Variants in GUCY1A2 observed in about 807,000 individuals in gnomAD.
GUCY1A2 encodes the protein guanylate cyclase 1 soluble subunit alpha 2.
GUCY1A2 carries 27 observed loss-of-function variants against 63.5 expected under a neutral mutation model. That is an observed-to-expected ratio of 0.43 (90% CI 0.31 to 0.59). The LOEUF is 0.59. Among genes scored for constraint, GUCY1A2 ranks in the 20% least tolerant of loss-of-function variants. GUCY1A2 has a pLI of 0.11. For synonymous variants in GUCY1A2, 364 were observed against 343.5 expected (o/e 1.06, Z -0.66); for missense variants, 768 against 913.3 (o/e 0.84, Z 2.05).
intron 3 of GUCY1A2, among the ~76,000 whole-genome samples, chr11:106,969,638 C>G (rs1861169622): frequency 6.6e-6 from 1 of 151,992 alleles, no homozygotes; most frequent in Non-Finnish European, 1.5e-5. Context: ...GAGATGGCAA[C>G]AAAATAAGCT....
intron 6 of GUCY1A2, among the ~76,000 whole-genome samples, chr11:106,730,721 A>G (rs555046651): frequency 6.6e-6 from 1 of 152,264 alleles, no homozygotes; most frequent in South Asian, 2.1e-4. Flanking sequence ...GAACTAATTT[A>G]CATTCCCATC....
intron 3 of GUCY1A2, among the ~76,000 whole-genome samples, chr11:106,943,074 GAA>G (rs1057187273): frequency 2.0e-5 from 3 of 151,944 alleles, no homozygotes; most frequent in South Asian, 2.1e-4. Context: ...GATCAGAAAA[GAA>G]AAAAGTTATT....
chr11:106,986,076 A>G lies in GUCY1A2; in HGVS notation c.359T>C (p.Val120Ala). The G allele has an allele frequency of 6.9e-7, 1 of 1,439,430 alleles. No individual in the cohort carries two copies. The highest frequency in any genetic ancestry group is 9.8e-7 in the Non-Finnish European group (1 of 1,020,798). The allele number at this position is 1,439,430 out of a possible 1,614,324, so 89.2% of individuals were successfully genotyped here. Residue 120 changes from valine to alanine, a missense_variant, in exon 2 of 8, where the codon GTT (valine) becomes GCT (alanine). Around this residue, in one of 3 missense-constraint regions of GUCY1A2, gnomAD observed 496 missense variants for 486.9 expected, o/e 1.02. Transcript: ENST00000526355. Reference sequence around the variant, plus strand: ...GAAATCAATTTTTACTTACCCAATAACTTGATGTTCATAATACTGCAGTGT... The same window carrying G: ...GAAATCAATTTTTACTTACCCAATAGCTTGATGTTCATAATACTGCAGTGT... ...KRTLQYYEHQ[V>A]IGYRDAEKNF...
intron 6 of GUCY1A2, among the ~76,000 whole-genome samples, chr11:106,728,249 G>C (rs769537463): frequency 6.6e-6 from 1 of 151,868 alleles, no homozygotes; most frequent in African/African-American, 2.4e-5. Context: ...TTCAACACTC[G>C]TGTCATACAA....
In GUCY1A2 at chr11:106,894,970, T is replaced by C. The variant is rs114687974; in HGVS notation, c.1206+44490A>G. On this transcript the variant is annotated intron_variant, in intron 4 of 7. Coordinates refer to ENST00000526355, the MANE Select transcript of GUCY1A2 (RefSeq NM_000855.3). The stretch of plus-strand genomic sequence containing the variant: ...AAAAGTCAATGAAAACAAAACGTGG[T>C]TCTTTGAAAAGGTTAATAAAACTAA... Among the ~76,000 whole-genome samples, 427 of 152,192 alleles carry C rather than the reference T, an allele frequency of 2.8e-3. 1 individual carries two copies. Among genetic ancestry groups the C allele is most frequent in the African/African-American group, 9.7e-3 (402 of 41,546 alleles).
At chr11:106,863,278 G>T (rs1335545573) in intron 4 of GUCY1A2, among the ~76,000 whole-genome samples, 1 of 151,972 alleles carries the variant, frequency 6.6e-6, no homozygotes, top group Non-Finnish European at 1.5e-5. Context: ...TTCGGTCTTA[G>T]ATTTAAGTCT....
chr11:106,841,917 G>A (rs1251321118), intron 4 of GUCY1A2, among the ~76,000 whole-genome samples: 1 of 151,534 alleles, frequency 6.6e-6, no homozygotes, highest in African/African-American at 2.4e-5. Context: ...TAGATATTCT[G>A]AATTTCCTCT....
chr11:106,719,458 A>T (rs74510982), intron 6 of GUCY1A2, among the ~76,000 whole-genome samples: 5,592 of 152,250 alleles, frequency 0.037, 124 homozygotes, highest in South Asian at 0.07. Context: ...ATTCATCTAA[A>T]TTACTCAGAG....
intron 4 of GUCY1A2, among the ~76,000 whole-genome samples, chr11:106,819,365 G>T (rs1272788923): frequency 1.3e-5 from 2 of 152,120 alleles, no homozygotes; most frequent in African/African-American, 4.8e-5. Context: ...CTATCAAACA[G>T]CATTGCAAGC....
intron 1 of GUCY1A2, among the ~76,000 whole-genome samples, chr11:107,007,534 C>T (rs1348341417): frequency 6.6e-6 from 1 of 152,154 alleles, no homozygotes; most frequent in Non-Finnish European, 1.5e-5. Flanking sequence ...ATAAACAATA[C>T]TATCATTGCT....
intron 6 of GUCY1A2, among the ~76,000 whole-genome samples, chr11:106,774,683 T>C (rs1333867893): frequency 1.3e-5 from 2 of 152,110 alleles, no homozygotes; most frequent in South Asian, 2.1e-4. Flanking sequence ...CTTTCCACTC[T>C]CTCCGCCCTG....
intron 4 of GUCY1A2, among the ~76,000 whole-genome samples, chr11:106,903,211 T>C (rs1045494544): frequency 6.7e-6 from 1 of 148,706 alleles, no homozygotes; most frequent in African/African-American, 2.5e-5. Flanking sequence ...TCTGAAATGA[T>C]AAAAAAAAAA....
chr11:106,920,038 C>T (rs1229123513), intron 4 of GUCY1A2, among the ~76,000 whole-genome samples: 6 of 152,074 alleles, frequency 3.9e-5, no homozygotes, highest in African/African-American at 1.4e-4. Context: ...GATAAACTAG[C>T]TAATACCTAA....
chr11:106,831,797 G>A (rs776805142), intron 4 of GUCY1A2, among the ~76,000 whole-genome samples: 3 of 152,122 alleles, frequency 2.0e-5, no homozygotes, highest in Non-Finnish European at 2.9e-5. Flanking sequence ...GGGATTTCAC[G>A]ATTGTTTGTT....
Position 107,017,885 on chromosome 11 carries a change from G to GGCGGCA in GUCY1A2, c.165_170dup (p.Ala57_Ala58dup), listed in dbSNP as rs1555062859. On this transcript the variant is annotated inframe_insertion, in exon 1 of 8. Transcript: ENST00000526355. ...AAGCAGCCGGGGTCGGGGCCGGGGC[G>GGCGGCA]GCGGCAGCGGCAGCTGCGGCCGGGC... The GGCGGCA allele has an allele frequency of 1.0e-5, 13 of 1,244,632 alleles. No individual in the cohort carries two copies. The highest frequency in any genetic ancestry group is 1.3e-5 in the Non-Finnish European group (13 of 991,324). The allele number at this position is 1,244,632 out of a possible 1,614,324, so 77.1% of individuals were successfully genotyped here.
At chr11:106,750,550 G>C (rs1314354912) in intron 6 of GUCY1A2, among the ~76,000 whole-genome samples, 1 of 151,998 alleles carries the variant, frequency 6.6e-6, no homozygotes, top group African/African-American at 2.4e-5. Context: ...ATGCAGTAAA[G>C]TCCTTGCTGC....
intron 7 of GUCY1A2, 101 bp from the exon 8 acceptor site, chr11:106,687,857 A>G (rs573145582): frequency 5.7e-5 from 42 of 743,176 alleles, no homozygotes; most frequent in Non-Finnish European, 1.0e-4. Flanking sequence ...CTGACTGTTC[A>G]TGGTAATACC....
chr11:106,927,245 C>T (rs1591330644), intron 4 of GUCY1A2, among the ~76,000 whole-genome samples: 1 of 151,342 alleles, frequency 6.6e-6, no homozygotes, highest in African/African-American at 2.4e-5. Context: ...TGGTGGCGGG[C>T]GCCTGTAGTC....
intron 4 of GUCY1A2, among the ~76,000 whole-genome samples, chr11:106,822,188 A>G (rs892036929): frequency 6.6e-6 from 1 of 152,136 alleles, no homozygotes; most frequent in African/African-American, 2.4e-5. Context: ...TGCTAAACTT[A>G]GTTTTATTTA....
Sources: allele counts gnomAD v4.1 joint callset (sites outside exome capture counted in the v4.1 genomes callset), GRCh38; gene constraint gnomAD v4.1.1; regional missense constraint gnomAD v4.1.1; transcripts MANE v1.5; gene names NCBI Gene and HGNC (gene_info 2026-07-23, HGNC 2026-07-21).